SH3RF1: variants seen among roughly 807,000 people sequenced by gnomAD.
The protein encoded by SH3RF1 is E3 ubiquitin-protein ligase SH3RF1.
SH3RF1 carries 32 observed loss-of-function variants against 74.0 expected under a neutral mutation model. The observed-to-expected ratio is 0.43, with a 90% confidence interval of 0.33 to 0.58. The LOEUF (loss-of-function observed/expected upper bound fraction) is 0.58. Among genes scored for constraint, SH3RF1 ranks in the 20% least tolerant of loss-of-function variants. The probability of loss-of-function intolerance (pLI) is 0.05; values close to 1 mark genes in which losing one functional copy is unlikely to be tolerated. For missense variants in SH3RF1, 954 were observed against 1,130.9 expected (o/e 0.84, Z 2.24); for synonymous variants, 396 against 439.6 (o/e 0.90, Z 1.24).
At chr4:169,243,418 CAGA>C (rs1408191569) in intron 2 of SH3RF1, among the ~76,000 whole-genome samples, 1 of 152,190 alleles carries the variant, frequency 6.6e-6, no homozygotes, top group African/African-American at 2.4e-5. Context: ...GATGCTGAGG[CAGA>C]AGAATTGCTT....
At chr4:169,163,586 T>C (rs1579114395) in intron 2 of SH3RF1, among the ~76,000 whole-genome samples, 1 of 152,314 alleles carries the variant, frequency 6.6e-6, no homozygotes, top group East Asian at 1.9e-4. Context: ...CACGGTTTTG[T>C]CCACATCACC....
intron 2 of SH3RF1, among the ~76,000 whole-genome samples, chr4:169,245,675 T>A (rs920102661): frequency 6.6e-6 from 1 of 152,176 alleles, no homozygotes; most frequent in African/African-American, 2.4e-5. Context: ...ACAAATAATA[T>A]GGCCAGAAAT....
In SH3RF1 at chr4:169,255,618, C is replaced by CACAT. The variant is rs1219654619; in HGVS notation, c.393+13198_393+13201dup. Among the ~76,000 whole-genome samples, 5 of 132,896 alleles carry CACAT rather than the reference C, an allele frequency of 3.8e-5. 1 individual carries two copies. In the Admixed American group the frequency reaches 4.3e-4, roughly 11 times the overall value. 87.2% of individuals were successfully genotyped at this position (132,896 alleles called of 152,430 possible). ...ATGGATACATACACACATACATACA[C>CACAT]ACATACACACACACACACACACACA... is the stretch of plus-strand genomic sequence containing the variant. On this transcript the variant is annotated intron_variant, in intron 2 of 11. Coordinates refer to ENST00000284637, the MANE Select transcript of SH3RF1 (RefSeq NM_020870.4).
chr4:169,257,755 G>C (rs929692379), intron 2 of SH3RF1, among the ~76,000 whole-genome samples: 2 of 152,190 alleles, frequency 1.3e-5, no homozygotes, highest in Non-Finnish European at 2.9e-5. Context: ...TAATAATCTG[G>C]CAGAACAGAG....
At chr4:169,112,860 G>A (rs1262208832) in intron 10 of SH3RF1, among the ~76,000 whole-genome samples, 1 of 152,216 alleles carries the variant, frequency 6.6e-6, no homozygotes, top group Non-Finnish European at 1.5e-5. Flanking sequence ...GAGGATGGTG[G>A]TTCTTGGATG....
At chr4:169,128,031 A>G (rs1469994380) in intron 6 of SH3RF1, among the ~76,000 whole-genome samples, 1 of 152,222 alleles carries the variant, frequency 6.6e-6, no homozygotes, top group East Asian at 1.9e-4. Context: ...AAAATGTTTC[A>G]GATTTGGGAG....
intron 4 of SH3RF1, among the ~76,000 whole-genome samples, chr4:169,141,555 C>CT (rs1211231031): frequency 1.3e-5 from 2 of 150,586 alleles, no homozygotes; most frequent in Admixed American, 1.3e-4. Context: ...CATCTATTTT[C>CT]TTTTTTTAGG....
chr4:169,227,836 T>TG (rs2127005560), intron 2 of SH3RF1, among the ~76,000 whole-genome samples: 1 of 152,308 alleles, frequency 6.6e-6, no homozygotes, highest in East Asian at 1.9e-4. Flanking sequence ...CACAGGAAGA[T>TG]GTACCATCCC....
Position 169,145,975 on chromosome 4 carries a change from ATAT to A in SH3RF1, c.766-9358_766-9356del, listed in dbSNP as rs72157815. ...CTATATAAAATATTACATATTCTAT[ATAT>A]TATTCTATATAAAATATTACATATT... is the stretch of plus-strand genomic sequence containing the variant. On this transcript the variant is annotated intron_variant, in intron 4 of 11. Coordinates refer to ENST00000284637, the MANE Select transcript of SH3RF1 (RefSeq NM_020870.4). Among the ~76,000 whole-genome samples the A allele has an allele frequency of 5.6e-4, 37 of 66,600 alleles. 3 individuals are homozygous for A. Among genetic ancestry groups the A allele is most frequent in the African/African-American group, 1.7e-3 (22 of 12,760 alleles). The allele number at this position is 66,600 out of a possible 152,430, so 43.7% of individuals were successfully genotyped here.
At position 169,116,388 on chromosome 4, in the gene SH3RF1, G is replaced by C. The variant is rs1561027508; in HGVS notation, c.2020C>G (p.Leu674Val). Reference protein sequence around the residue: ...LTSPSITSASLEAEPSGRIVT... With the variant: ...LTSPSITSASVEAEPSGRIVT... ...ATCCGGCCACTGGGCTCAGCCTCCA[G>C]AGAAGCACTGGTGATGCTTGGGGAA... is the stretch of plus-strand genomic sequence containing the variant. The change falls in exon 10 of 12, where the codon CTG (leucine) becomes GTG (valine). Residue 674 changes from leucine to valine, a missense_variant. By Grantham distance (32) the Leu-to-Val change is conservative (BLOSUM62 1). Coordinates refer to ENST00000284637, the MANE Select transcript of SH3RF1 (RefSeq NM_020870.4). 6.2e-7 allele frequency: 1 copy of C among 1,614,228 alleles called. No homozygotes were observed. The highest frequency in any genetic ancestry group is 1.1e-5 in the South Asian group (1 of 91,086).
At chr4:169,199,239 TA>T (rs1734869152) in intron 2 of SH3RF1, among the ~76,000 whole-genome samples, 2 of 152,212 alleles carry the variant, frequency 1.3e-5, no homozygotes, top group African/African-American at 4.8e-5. Context: ...AAGGTACCCA[TA>T]AACTAATAAA....
intron 2 of SH3RF1, chr4:169,166,872 C>G (rs1734254293): frequency 1.0e-5 from 3 of 299,586 alleles, no homozygotes; most frequent in African/African-American, 6.6e-5. Flanking sequence ...AAATTGGTAT[C>G]TGCAATGTAA....
Position 169,122,186 on chromosome 4 carries a change from A to G in SH3RF1, c.1260T>C (p.Ala420=), listed in dbSNP as rs773716199. The G allele has an allele frequency of 8.7e-6, 14 of 1,613,580 alleles. No individual in the cohort carries two copies. Among genetic ancestry groups the G allele is most frequent in the Non-Finnish European group, 8.5e-6 (10 of 1,179,934 alleles). ...TCGGTCCCATTCCAGCAGCAGCAGC[A>G]GCGGCGGTGGCGCCTGGTGGTGTGG... ...LASTPPGATA[A]AAAAGMGPRP... Residue 420 remains alanine (A), a synonymous_variant, in exon 7 of 12, where the codon GCT becomes GCC. Transcript: ENST00000284637.
intron 2 of SH3RF1, among the ~76,000 whole-genome samples, chr4:169,180,009 T>C (rs11947577): frequency 1.1e-4 from 17 of 152,208 alleles, no homozygotes; most frequent in African/African-American, 3.1e-4. Context: ...TTAGATGTAA[T>C]GCTAAAGAAA....
At chr4:169,209,808 G>T (rs1426892858) in intron 2 of SH3RF1, among the ~76,000 whole-genome samples, 3 of 151,964 alleles carry the variant, frequency 2.0e-5, no homozygotes, top group Non-Finnish European at 4.4e-5. Context: ...TTTATTTTTG[G>T]AGACAGGGTC....
chr4:169,141,212 C>T (rs1305140308), intron 4 of SH3RF1, among the ~76,000 whole-genome samples: 1 of 152,078 alleles, frequency 6.6e-6, no homozygotes, highest in Non-Finnish European at 1.5e-5. Context: ...TAAAACATAT[C>T]CTTCATTTTC....
chr4:169,107,033 C>T lies in SH3RF1; in HGVS notation c.2312G>A (p.Gly771Asp), dbSNP rs751732407. 6.2e-7 allele frequency: 1 copy of T among 1,613,848 alleles called. No individual in the cohort carries two copies. The change falls in exon 11 of 12, where the codon GGC becomes GAC. Residue 771 changes from glycine to aspartate, a missense_variant. By Grantham distance (94) the Gly-to-Asp change is moderately conservative (BLOSUM62 -1). Coordinates refer to ENST00000284637, the MANE Select transcript of SH3RF1 (RefSeq NM_020870.4). ...LPPGGGHGRA[G>D]SCPVDGDGPV... ...TCCGTCCCCGTCCACAGGGCAGGAGCCTGCCCTGCCATGGCCACCTCCTGG... is the reference window on the plus strand; with the variant it reads ...TCCGTCCCCGTCCACAGGGCAGGAGTCTGCCCTGCCATGGCCACCTCCTGG...
At chr4:169,267,394 T>C (rs1036584178) in intron 2 of SH3RF1, among the ~76,000 whole-genome samples, 1 of 152,184 alleles carries the variant, frequency 6.6e-6, no homozygotes, top group African/African-American at 2.4e-5. Flanking sequence ...ACATCAGGTG[T>C]CTCAGAAATT....
chr4:169,183,880 C>T (rs1734557019), intron 2 of SH3RF1, among the ~76,000 whole-genome samples: 1 of 152,028 alleles, frequency 6.6e-6, no homozygotes, highest in South Asian at 2.1e-4. Flanking sequence ...AGGAAAGAGA[C>T]TTTTTATTTC....
Sources: gnomAD v4.1 joint callset for allele counts (sites outside exome capture counted in the v4.1 genomes callset) on GRCh38, gnomAD v4.1.1 for gene constraint, MANE v1.5 for transcripts, NCBI Gene and HGNC (gene_info 2026-07-23, HGNC 2026-07-21) for gene names.